Variants in AKAP19 observed in about 807,000 individuals in gnomAD.
The protein encoded by AKAP19 is small A-kinase anchoring protein.
the AKAP19 span, among the ~76,000 whole-genome samples, chr2:189,929,527 C>T: frequency 1.3e-5 from 2 of 148,872 alleles, no homozygotes; most frequent in African/African-American, 4.9e-5. Context: ...AATATTAAAC[C>T]CCACTGTAAT....
At chr2:190,159,086 G>C in the AKAP19 span, among the ~76,000 whole-genome samples, 1 of 152,200 alleles carries the variant, frequency 6.6e-6, no homozygotes, top group Non-Finnish European at 1.5e-5. Context: ...GAAGGGCGTA[G>C]GGAACTAGAC....
At chr2:190,046,791 G>A in the AKAP19 span, among the ~76,000 whole-genome samples, 2 of 152,042 alleles carry the variant, frequency 1.3e-5, no homozygotes, top group African/African-American at 2.4e-5. Flanking sequence ...TCTACTAGGC[G>A]GTGTTATTTA....
chr2:190,178,020 C>A, the AKAP19 span, among the ~76,000 whole-genome samples: 1 of 152,286 alleles, frequency 6.6e-6, no homozygotes, highest in South Asian at 2.1e-4. The surrounding 1 kb of genome is among the most constrained non-coding windows in gnomAD (Gnocchi z 6.3). Flanking sequence ...CTTCGTCACC[C>A]CTTTCACTTC....
At chr2:189,972,597 A>G in the AKAP19 span, among the ~76,000 whole-genome samples, 1 of 152,162 alleles carries the variant, frequency 6.6e-6, no homozygotes, top group Non-Finnish European at 1.5e-5. Context: ...CATGATACTG[A>G]TTCTTCCTAT....
the AKAP19 span, among the ~76,000 whole-genome samples, chr2:189,998,787 T>TTTTTTTTTTTTTC: frequency 7.3e-6 from 1 of 136,250 alleles, no homozygotes; most frequent in Non-Finnish European, 1.6e-5. Flanking sequence ...TTTTTTTTTT[T>TTTTTTTTTTTTTC]TTTGATATGG....
At chr2:190,090,208 G>T in the AKAP19 span, among the ~76,000 whole-genome samples, 6 of 152,172 alleles carry the variant, frequency 3.9e-5, no homozygotes, top group African/African-American at 9.7e-5. Flanking sequence ...ATCTAGGCAG[G>T]TAGTTGGGTT....
At chr2:190,086,731 G>A in the AKAP19 span, among the ~76,000 whole-genome samples, 1 of 152,192 alleles carries the variant, frequency 6.6e-6, no homozygotes. Context: ...GGATATGGAA[G>A]GAATTGCTCA....
the AKAP19 span, among the ~76,000 whole-genome samples, chr2:189,891,223 C>CTTTT: frequency 1.4e-4 from 15 of 110,462 alleles, no homozygotes; most frequent in African/African-American, 4.3e-4. Flanking sequence ...TTTTTTTTTC[C>CTTTT]TTTTTTTTTT....
At chr2:189,910,424 C>T in the AKAP19 span, among the ~76,000 whole-genome samples, 41 of 151,966 alleles carry the variant, frequency 2.7e-4, no homozygotes, top group Admixed American at 2.6e-3. Context: ...TATTGTTGCT[C>T]TTACCCGAAT....
the AKAP19 span, chr2:190,181,032 C>A: frequency 2.0e-6 from 2 of 985,594 alleles, no homozygotes; most frequent in Non-Finnish European, 2.4e-6. Context: ...CCGCCCCGGG[C>A]CTGAGCGCAG....
the AKAP19 span, among the ~76,000 whole-genome samples, chr2:190,007,670 T>C: frequency 1.3e-5 from 2 of 152,042 alleles, no homozygotes; most frequent in East Asian, 1.9e-4. Context: ...ATAAGAAATA[T>C]TGAATGCTGG....
At chr2:190,143,721 T>C in the AKAP19 span, among the ~76,000 whole-genome samples, 5 of 151,844 alleles carry the variant, frequency 3.3e-5, no homozygotes, top group South Asian at 6.2e-4. Context: ...CACATGCACA[T>C]GTATGTTTAT....
chr2:190,146,626 G>A, the AKAP19 span, among the ~76,000 whole-genome samples: 1 of 152,156 alleles, frequency 6.6e-6, no homozygotes, highest in Non-Finnish European at 1.5e-5. Context: ...CAGCAATGTA[G>A]AATTGTTCCC....
chr2:189,982,158 G>A, the AKAP19 span, among the ~76,000 whole-genome samples: 2 of 151,456 alleles, frequency 1.3e-5, no homozygotes, highest in African/African-American at 4.8e-5. Flanking sequence ...TTATAGGTTT[G>A]GTCACTTTAC....
At chr2:190,039,595 T>G in the AKAP19 span, among the ~76,000 whole-genome samples, 4 of 152,118 alleles carry the variant, frequency 2.6e-5, no homozygotes, top group Admixed American at 2.6e-4. Context: ...CACAGGGGGT[T>G]GTTGTACATA....
chr2:190,180,642 G>T, the AKAP19 span: 2 of 985,312 alleles, frequency 2.0e-6, no homozygotes, highest in Non-Finnish European at 2.4e-6. This position sits in a 1 kb window ranked among gnomAD's most constrained non-coding sequence, Gnocchi z 6.8. Flanking sequence ...GCCCGCCCCT[G>T]CCTCGGACCC....
At chr2:189,965,662 T>C in the AKAP19 span, among the ~76,000 whole-genome samples, 1 of 150,946 alleles carries the variant, frequency 6.6e-6, no homozygotes, top group South Asian at 2.1e-4. Context: ...GATGTTGGTG[T>C]GGATGTGGTG....
At chr2:190,155,054 T>G in the AKAP19 span, among the ~76,000 whole-genome samples, 5 of 152,212 alleles carry the variant, frequency 3.3e-5, no homozygotes, top group African/African-American at 4.8e-5. Context: ...TGGATGGCTA[T>G]TCAGTGTTAG....
the AKAP19 span, among the ~76,000 whole-genome samples, chr2:190,126,289 C>CAAAAAA: frequency 3.0e-3 from 94 of 31,318 alleles, 13 homozygotes; most frequent in African/African-American, 5.6e-3. Context: ...GATTCCATCT[C>CAAAAAA]AAAAAAAAAA....
Sources: gnomAD v4.1 joint callset for allele counts (sites outside exome capture counted in the v4.1 genomes callset) on GRCh38, gnomAD v4.1.1 for gene constraint, Gnocchi (gnomAD v3.1) non-coding constraint, MANE v1.5 for transcripts, NCBI Gene and HGNC (gene_info 2026-07-23, HGNC 2026-07-21) for gene names.